JAZF1: variants seen among roughly 807,000 people sequenced by gnomAD.
The protein encoded by JAZF1 is juxtaposed with another zinc finger protein 1.
In JAZF1, 8 loss-of-function variants were observed where a neutral mutation model predicts 26.4. The observed-to-expected ratio is 0.30, with a 90% CI of 0.18 to 0.55. The LOEUF (loss-of-function observed/expected upper bound fraction) is 0.55. Among genes scored for constraint, JAZF1 ranks in the 20% least tolerant of loss-of-function variants. The pLI is 0.94. For synonymous variants in JAZF1, 126 were observed against 122.3 expected (o/e 1.03, Z -0.20); for missense variants, 199 against 322.0 (o/e 0.62, Z 2.92).
chr7:28,023,549 C>A (rs911307404), intron 1 of JAZF1, among the ~76,000 whole-genome samples: 1 of 152,250 alleles, frequency 6.6e-6, no homozygotes, highest in Non-Finnish European at 1.5e-5. Context: ...ATCTACTCCA[C>A]ACATGATATT....
At chr7:27,948,886 T>C (rs1784961644) in intron 2 of JAZF1, among the ~76,000 whole-genome samples, 1 of 152,232 alleles carries the variant, frequency 6.6e-6, no homozygotes, top group Non-Finnish European at 1.5e-5. Context: ...TGTCAGTGAT[T>C]AGAAAACTGG....
chr7:28,179,412 C>T (rs1378552869), intron 1 of JAZF1, among the ~76,000 whole-genome samples: 1 of 152,110 alleles, frequency 6.6e-6, no homozygotes, highest in Non-Finnish European at 1.5e-5. Context: ...AGCCACCCTG[C>T]GGGGCGCCCC....
intron 1 of JAZF1, among the ~76,000 whole-genome samples, chr7:28,062,013 A>G (rs984328559): frequency 3.3e-5 from 5 of 152,240 alleles, no homozygotes; most frequent in African/African-American, 1.2e-4. Context: ...CAGCAAAACC[A>G]CAGAATTTTT....
chr7:27,945,896 T>C (rs1254483623), intron 2 of JAZF1, among the ~76,000 whole-genome samples: 1 of 152,238 alleles, frequency 6.6e-6, no homozygotes, highest in Non-Finnish European at 1.5e-5. Flanking sequence ...TTTATGATAA[T>C]TTGACTTACA....
At chr7:27,884,417 G>A (rs1783824341) in intron 3 of JAZF1, among the ~76,000 whole-genome samples, 1 of 152,232 alleles carries the variant, frequency 6.6e-6, no homozygotes, top group Non-Finnish European at 1.5e-5. Context: ...GTGGGCCACT[G>A]CATCGGGCAG....
intron 1 of JAZF1, among the ~76,000 whole-genome samples, chr7:28,016,796 A>G (rs1335569627): frequency 6.6e-6 from 1 of 152,132 alleles, no homozygotes; most frequent in African/African-American, 2.4e-5. Flanking sequence ...TTTCTTTTGT[A>G]TCATTCATTC....
chr7:28,020,493 A>G lies in JAZF1; in HGVS notation c.116-28512T>C, dbSNP rs963578446. Reference sequence around the variant, plus strand: ...CTCCTGGAAGCAGGAGTTGAAGCCTATGACCCCTAGGACTGATCCCATACT... The same window carrying G: ...CTCCTGGAAGCAGGAGTTGAAGCCTGTGACCCCTAGGACTGATCCCATACT... On this transcript the variant is annotated intron_variant, in intron 1 of 4. Coordinates refer to ENST00000283928, the MANE Select transcript of JAZF1 (RefSeq NM_175061.4). 1.1e-5 allele frequency: 5 copies of G among 447,624 alleles called. No homozygotes were observed. In the East Asian group the frequency reaches 3.6e-4, roughly 32 times the overall value. 27.7% of individuals were successfully genotyped at this position (447,624 alleles called of 1,614,324 possible).
chr7:27,939,298 A>G (rs1784807301), intron 2 of JAZF1, among the ~76,000 whole-genome samples: 1 of 152,260 alleles, frequency 6.6e-6, no homozygotes, highest in Non-Finnish European at 1.5e-5. Flanking sequence ...ACTGATAGTC[A>G]GCTAAGCTAA....
chr7:27,880,703 T>C (rs924653939), intron 3 of JAZF1, among the ~76,000 whole-genome samples: 3 of 152,156 alleles, frequency 2.0e-5, no homozygotes, highest in African/African-American at 7.2e-5. Context: ...CTTGCTCTGT[T>C]GCCCAGGCTG....
chr7:27,942,742 C>A (rs1159500813), intron 2 of JAZF1, among the ~76,000 whole-genome samples: 2 of 152,172 alleles, frequency 1.3e-5, no homozygotes, highest in African/African-American at 4.8e-5. Flanking sequence ...CAGGGTGATA[C>A]CGGCCTGAAA....
intron 1 of JAZF1, among the ~76,000 whole-genome samples, chr7:28,081,887 A>G (rs1171365843): frequency 6.6e-6 from 1 of 152,252 alleles, no homozygotes; most frequent in East Asian, 1.9e-4. Context: ...TTTCTTAAAA[A>G]GATCACTATA....
intron 2 of JAZF1, among the ~76,000 whole-genome samples, chr7:27,982,818 A>C (rs1421889036): frequency 6.6e-6 from 1 of 152,182 alleles, no homozygotes; most frequent in Non-Finnish European, 1.5e-5. Flanking sequence ...CTGGTGATAC[A>C]CAGGCAAACA....
chr7:28,151,403 C>T (rs1400936574), intron 1 of JAZF1, among the ~76,000 whole-genome samples: 1 of 151,610 alleles, frequency 6.6e-6, no homozygotes, highest in Non-Finnish European at 1.5e-5. Flanking sequence ...CCATACCTGG[C>T]TTGGAGGGGG....
chr7:27,947,404 C>A (rs1264600715), intron 2 of JAZF1, among the ~76,000 whole-genome samples: 2 of 152,168 alleles, frequency 1.3e-5, no homozygotes. Context: ...ATAACTACTA[C>A]ACAATAGTAG....
At chr7:27,992,894 T>C (rs964170081) in intron 1 of JAZF1, among the ~76,000 whole-genome samples, 25 of 152,282 alleles carry the variant, frequency 1.6e-4, no homozygotes, top group Middle Eastern at 3.4e-3. Context: ...TTTGATGTAA[T>C]GACAGATGTT....
chr7:27,923,432 T>C (rs1173808388), intron 2 of JAZF1, among the ~76,000 whole-genome samples: 5 of 152,144 alleles, frequency 3.3e-5, no homozygotes, highest in Non-Finnish European at 7.3e-5. Context: ...ACACACTCTA[T>C]CCCAACTTTG....
At chr7:28,004,068 A>G (rs939821880) in intron 1 of JAZF1, among the ~76,000 whole-genome samples, 2 of 152,154 alleles carry the variant, frequency 1.3e-5, no homozygotes, top group Non-Finnish European at 1.5e-5. Context: ...ACTATAGAGG[A>G]TGTGACTTAT....
In JAZF1 at chr7:27,830,906, A is replaced by G; in HGVS notation, c.*1894T>C. 1 of 215,908 alleles carries G rather than the reference A, an allele frequency of 4.6e-6. No individual in the cohort carries two copies. The highest frequency in any genetic ancestry group is 2.2e-5 in the African/African-American group (1 of 44,558). The allele number at this position is 215,908 out of a possible 1,614,324, so 13.4% of individuals were successfully genotyped here. On this transcript the variant is annotated 3_prime_UTR_variant, in exon 5 of 5. Coordinates refer to ENST00000283928, the MANE Select transcript of JAZF1 (RefSeq NM_175061.4). Reference sequence around the variant, plus strand: ...AAGAAATTTAACATGCACAATGACTATTTTATGACTGTTTAGCTGTTGAAC... The same window carrying G: ...AAGAAATTTAACATGCACAATGACTGTTTTATGACTGTTTAGCTGTTGAAC...
At chr7:28,173,812 C>G (rs1783508590) in intron 1 of JAZF1, among the ~76,000 whole-genome samples, 1 of 137,398 alleles carries the variant, frequency 7.3e-6, no homozygotes, top group Middle Eastern at 4.0e-3. Context: ...CCAAAGTTGA[C>G]AGCAATTGGA....
Sources: allele counts gnomAD v4.1 joint callset (sites outside exome capture counted in the v4.1 genomes callset), GRCh38; gene constraint gnomAD v4.1.1; transcripts MANE v1.5; gene names NCBI Gene and HGNC (gene_info 2026-07-23, HGNC 2026-07-21).